LHCGR: variants seen among roughly 807,000 people sequenced by gnomAD.
LHCGR encodes lutropin-choriogonadotropic hormone receptor.
LHCGR carries 55 observed loss-of-function variants against 60.7 expected under a neutral mutation model. That is an observed-to-expected ratio of 0.91 (90% CI 0.73 to 1.13). The LOEUF is 1.13. Ranked by LOEUF, LHCGR falls within the 50% of genes most tolerant of loss-of-function variation. The pLI, the probability that LHCGR is intolerant of heterozygous loss-of-function variation, is 0.00. For missense variants in LHCGR, 862 were observed against 836.0 expected, an observed-to-expected ratio of 1.03 and a Z score of -0.38; for synonymous variants, 337 against 316.5, an observed-to-expected ratio of 1.06 and a Z score of -0.69.
In LHCGR at chr2:48,688,655, AG is replaced by A; in HGVS notation, c.1141del (p.Leu381PhefsTer5). 6.2e-7 allele frequency: 1 copy of A among 1,614,232 alleles called. No individual in the cohort carries two copies. Reference protein sequence around the residue: ...ILAIMGNMTVLFVLLTSRYKL... With the variant: ...ILAIMGNMTVXFVLLTSRYKL... ...GTAACGACTTGTCAGGAGAACAAAA[AG>A]AACAGTCATGTTTCCCATGATGGCT... On this transcript the variant is annotated frameshift_variant, in exon 11 of 11. Transcript: ENST00000294954. LOFTEE classifies it high-confidence loss of function. The surrounding 1 kb of genome is among the most constrained non-coding windows in gnomAD (Gnocchi z 5.2).
At chr2:48,733,535 C>A (rs1669095268) in intron 1 of LHCGR, among the ~76,000 whole-genome samples, 1 of 152,164 alleles carries the variant, frequency 6.6e-6, no homozygotes, top group African/African-American at 2.4e-5. Flanking sequence ...GGAAAGGCAG[C>A]AGTGGGGAGA....
Position 48,731,167 on chromosome 2 carries a change from CTT to C in LHCGR, c.233+58_233+59del, listed in dbSNP as rs1295806664. Reference sequence around the variant, plus strand: ...TTATCCCCTTTCAAATGTGTTTTCTCTTAGAAAAAATTCATTATTCCAATTAC... The same window carrying C: ...TTATCCCCTTTCAAATGTGTTTTCTCAGAAAAAATTCATTATTCCAATTAC... On this transcript the variant is annotated intron_variant, in intron 2 of 10. Transcript: ENST00000294954. The C allele has an allele frequency of 3.3e-6, 4 of 1,199,980 alleles. No individual in the cohort carries two copies. The African/African-American group carries it at 6.0e-5, about 18-fold the overall frequency. The allele number at this position is 1,199,980 out of a possible 1,614,324, so 74.3% of individuals were successfully genotyped here. A position where few individuals can be genotyped will look rare whatever the true frequency, so the allele number is the denominator to read the frequency against.
At chr2:48,690,961 C>T (rs1001779365) in intron 10 of LHCGR, among the ~76,000 whole-genome samples, 1 of 152,176 alleles carries the variant, frequency 6.6e-6, no homozygotes, top group Non-Finnish European at 1.5e-5. Flanking sequence ...CAGGATGATT[C>T]TAGCTCTGAA....
At chr2:48,707,584 G>T (rs1667754666) in intron 8 of LHCGR, among the ~76,000 whole-genome samples, 1 of 152,262 alleles carries the variant, frequency 6.6e-6, no homozygotes, top group African/African-American at 2.4e-5. Flanking sequence ...GTTCAGATAT[G>T]TCCTGCCCAC....
At chr2:48,739,354 C>A (rs751108605) in intron 1 of LHCGR, among the ~76,000 whole-genome samples, 1 of 152,180 alleles carries the variant, frequency 6.6e-6, no homozygotes, top group Admixed American at 6.5e-5. Context: ...TATAAAGACA[C>A]ATGCACACGT....
intron 1 of LHCGR, among the ~76,000 whole-genome samples, chr2:48,736,330 C>T (rs1669205731): frequency 6.6e-6 from 1 of 152,152 alleles, no homozygotes; most frequent in South Asian, 2.1e-4. Flanking sequence ...AAGGACCATC[C>T]TATCTTTAGA....
At chr2:48,735,549 A>G (rs555817320) in intron 1 of LHCGR, among the ~76,000 whole-genome samples, 51 of 152,282 alleles carry the variant, frequency 3.3e-4, no homozygotes, top group Admixed American at 3.3e-3. Context: ...CTGCTGCCCT[A>G]GAACAGTTCC....
In LHCGR at chr2:48,687,720, T is replaced by C; in HGVS notation, c.2077A>G (p.Lys693Glu). 1 of 1,614,078 alleles carries C rather than the reference T, an allele frequency of 6.2e-7. No homozygotes were observed. The highest frequency in any genetic ancestry group is 8.5e-7 in the Non-Finnish European group (1 of 1,179,918). ...LHCQGTALLD[K>E]TRYTEC ...AGTTAACACTCTGTGTAGCGAGTCT[T>C]GTCTAGGAGAGCTGTACCTTGACAG... Residue 693 changes from lysine (K) to glutamate (E), a missense_variant, in exon 11 of 11, where the codon AAG becomes GAG. By Grantham distance (56) the Lys-to-Glu change is moderately conservative. Coordinates refer to ENST00000294954, the MANE Select transcript of LHCGR (RefSeq NM_000233.4).
intron 1 of LHCGR, among the ~76,000 whole-genome samples, chr2:48,737,424 T>G (rs1017366011): frequency 3.9e-5 from 6 of 152,260 alleles, no homozygotes; most frequent in Non-Finnish European, 7.3e-5. Context: ...TTGGTGTTTT[T>G]GTATTTATTA....
chr2:48,701,561 G>A (rs1667410571), intron 8 of LHCGR, among the ~76,000 whole-genome samples: 1 of 152,084 alleles, frequency 6.6e-6, no homozygotes, highest in African/African-American at 2.4e-5. Flanking sequence ...ACTTTTTCAG[G>A]ATAGTCTTCC....
intron 6 of LHCGR, 103 bp downstream of exon 6, chr2:48,723,353 T>C (rs982499558): frequency 9.8e-6 from 8 of 812,412 alleles, no homozygotes; most frequent in Non-Finnish European, 1.3e-5. Context: ...ATGTCACCAG[T>C]GAGTGAGGAA....
intron 1 of LHCGR, among the ~76,000 whole-genome samples, chr2:48,736,537 A>G (rs532023468): frequency 6.6e-6 from 1 of 152,314 alleles, no homozygotes; most frequent in South Asian, 2.1e-4. Context: ...TCTCCTGGGT[A>G]CCCAGGATTG....
rs369090769 is a variant in LHCGR at position 48,691,574 on chromosome 2, G to C, written c.947+2650C>G. Among the ~76,000 whole-genome samples, 164 of 152,188 alleles carry C rather than the reference G, an allele frequency of 1.1e-3. 3 individuals are homozygous for C. In the South Asian group the frequency reaches 0.024, roughly 22 times the overall value. ...TTAGAAAGGTTTTAAGGCCGGGCGCGGTGGCTCATGCCTGTAATCCCAGCA... is the reference window on the plus strand; with the variant it reads ...TTAGAAAGGTTTTAAGGCCGGGCGCCGTGGCTCATGCCTGTAATCCCAGCA... On this transcript the variant is annotated intron_variant, in intron 10 of 10. Transcript: ENST00000294954.
chr2:48,752,305 G>C (rs1296083285), intron 1 of LHCGR, among the ~76,000 whole-genome samples: 2 of 152,036 alleles, frequency 1.3e-5, no homozygotes, highest in African/African-American at 4.8e-5. Flanking sequence ...ACTTTGGATG[G>C]AGGTCTTAGA....
At chr2:48,734,969 T>C (rs1669152567) in intron 1 of LHCGR, among the ~76,000 whole-genome samples, 2 of 152,246 alleles carry the variant, frequency 1.3e-5, no homozygotes, top group Non-Finnish European at 2.9e-5. Context: ...AAAATATGGC[T>C]GTAGAACTAT....
At chr2:48,755,018 T>C (rs967346118) in intron 1 of LHCGR, among the ~76,000 whole-genome samples, 1 of 152,092 alleles carries the variant, frequency 6.6e-6, no homozygotes, top group African/African-American at 2.4e-5. Context: ...CCCGTGTGAC[T>C]GCCAGCAGTC....
At position 48,688,335 on chromosome 2, in the gene LHCGR, G is replaced by A; in HGVS notation, c.1462C>T (p.Leu488Phe). 1 of 1,614,170 alleles carries A rather than the reference G, an allele frequency of 6.2e-7. No individual in the cohort carries two copies. Among genetic ancestry groups the A allele is most frequent in the African/African-American group, 1.3e-5 (1 of 75,054 alleles). Residue 488 changes from leucine to phenylalanine, a missense_variant, in exon 11 of 11, where the codon CTT becomes TTT. Coordinates refer to ENST00000294954, the MANE Select transcript of LHCGR (RefSeq NM_000233.4). The surrounding 1 kb of genome is among the most constrained non-coding windows in gnomAD (Gnocchi z 5.2). ...AGAGAAGAAAAGAGCCATCCTCCAA[G>A]CATAATCAGAATGGCATGTCTTAAT... is the stretch of plus-strand genomic sequence containing the variant. ...LRLRHAILIM[L>F]GGWLFSSLIA...
At chr2:48,700,217 C>CT (rs1225774128) in intron 8 of LHCGR, among the ~76,000 whole-genome samples, 1 of 152,052 alleles carries the variant, frequency 6.6e-6, no homozygotes, top group Non-Finnish European at 1.5e-5. Context: ...GATCTGGTGG[C>CT]TTTTTTGTTT....
chr2:48,694,424 C>G, intron 9 of LHCGR, 120 bp from the exon 10 acceptor site: 1 of 697,510 alleles, frequency 1.4e-6, no homozygotes, highest in Non-Finnish European at 2.6e-6. Flanking sequence ...GCATCTCGTT[C>G]TGCACCATTG....
Sources: gnomAD v4.1 joint callset for allele counts (sites outside exome capture counted in the v4.1 genomes callset) on GRCh38, gnomAD v4.1.1 for gene constraint, Gnocchi (gnomAD v3.1) non-coding constraint, MANE v1.5 for transcripts, NCBI Gene and HGNC (gene_info 2026-07-23, HGNC 2026-07-21) for gene names.